The following RAB3IP variants were observed in gnomAD, a reference collection of about 807,000 sequenced individuals.
RAB3IP encodes rab-3A-interacting protein.
RAB3IP carries 36 observed loss-of-function variants against 59.1 expected under a neutral mutation model. That is an observed-to-expected ratio of 0.61 (90% CI 0.47 to 0.80). The LOEUF is 0.80. Ranked by LOEUF, RAB3IP falls within the 30% of genes least tolerant of loss-of-function variation. The pLI, the probability that RAB3IP is intolerant of heterozygous loss-of-function variation, is 0.00. For missense variants in RAB3IP, 511 were observed against 536.0 expected (o/e 0.95, Z 0.46); for synonymous variants, 207 against 191.2 (o/e 1.08, Z -0.68).
intron 6 of RAB3IP, 27 bp from the exon 7 acceptor site, chr12:69,800,181 GT>G: frequency 6.7e-7 from 1 of 1,485,420 alleles, no homozygotes; most frequent in South Asian, 1.4e-5. Flanking sequence ...TTTAAAACAT[GT>G]TTTTGTGTTT....
chr12:69,815,076 A>G (rs1314514032), intron 10 of RAB3IP, among the ~76,000 whole-genome samples: 1 of 152,212 alleles, frequency 6.6e-6, no homozygotes, highest in Non-Finnish European at 1.5e-5. Context: ...TGAAGGTAAC[A>G]GCATTGACAT....
At chr12:69,788,840 C>CAGAAT (rs1319384978) in intron 4 of RAB3IP, among the ~76,000 whole-genome samples, 1 of 151,990 alleles carries the variant, frequency 6.6e-6, no homozygotes, top group Non-Finnish European at 1.5e-5. Flanking sequence ...AGATCAAAAT[C>CAGAAT]ATTCTAAGAA....
chr12:69,806,565 C>G (rs1056639633), intron 8 of RAB3IP, among the ~76,000 whole-genome samples: 4 of 97,276 alleles, frequency 4.1e-5, no homozygotes, highest in Non-Finnish European at 8.4e-5. Flanking sequence ...GCTCTTGCTT[C>G]TCTAGTTTTT....
chr12:69,802,929 G>T (rs1032417417), intron 8 of RAB3IP, among the ~76,000 whole-genome samples: 2 of 152,068 alleles, frequency 1.3e-5, no homozygotes, highest in African/African-American at 2.4e-5. Flanking sequence ...TTTAGGGAAA[G>T]AATTTACATT....
intron 4 of RAB3IP, among the ~76,000 whole-genome samples, chr12:69,792,529 G>T (rs1246871407): frequency 6.6e-6 from 1 of 152,242 alleles, no homozygotes; most frequent in Middle Eastern, 3.4e-3. Flanking sequence ...CCTGGTATAG[G>T]TGATACTTAC....
chr12:69,756,260 T>C, intron 2 of RAB3IP, 145 bp from the exon 3 acceptor site: 1 of 742,358 alleles, frequency 1.3e-6, no homozygotes, highest in Admixed American at 2.8e-5. Context: ...GCACTTGAAA[T>C]GTGGCTGATA....
At chr12:69,771,836 C>T (rs1164789918) in intron 3 of RAB3IP, among the ~76,000 whole-genome samples, 1 of 152,134 alleles carries the variant, frequency 6.6e-6, no homozygotes, top group Non-Finnish European at 1.5e-5. Flanking sequence ...GATAGCCATT[C>T]TAAGTGGGTT....
At chr12:69,806,538 A>G (rs1320172224) in intron 8 of RAB3IP, among the ~76,000 whole-genome samples, 1 of 134,640 alleles carries the variant, frequency 7.4e-6, no homozygotes, top group East Asian at 2.2e-4. Context: ...GCCTTCTGCT[A>G]GCTTTTGAAT....
chr12:69,805,811 T>A (rs1429927375), intron 8 of RAB3IP, among the ~76,000 whole-genome samples: 1 of 151,396 alleles, frequency 6.6e-6, no homozygotes, highest in Non-Finnish European at 1.5e-5. Flanking sequence ...ATTGATTTTC[T>A]TATGTTGAAC....
Position 69,815,970 on chromosome 12 carries a change from A to C in RAB3IP, c.*524A>C, listed in dbSNP as rs1326180357. 1 of 152,644 alleles carries C rather than the reference A, an allele frequency of 6.6e-6. No homozygotes were observed. The highest frequency in any genetic ancestry group is 1.5e-5 in the Non-Finnish European group (1 of 68,038). 9.5% of individuals were successfully genotyped at this position (152,644 alleles called of 1,614,324 possible). ...TACTTCTGCTGCTACAAAGTTTGAA[A>C]GTTACTATTTTAATTATTCTGCTCT... is the stretch of plus-strand genomic sequence containing the variant. On this transcript the variant is annotated 3_prime_UTR_variant, in exon 11 of 11. Coordinates refer to ENST00000247833, the MANE Select transcript of RAB3IP (RefSeq NM_022456.5).
intron 7 of RAB3IP, 126 bp downstream of exon 7, chr12:69,800,463 A>G (rs1878203243): frequency 5.0e-6 from 3 of 606,028 alleles, no homozygotes; most frequent in Middle Eastern, 4.9e-4. Context: ...ATGTTTTGCT[A>G]TTTTTGCCAT....
intron 1 of RAB3IP, among the ~76,000 whole-genome samples, chr12:69,754,342 GGCACACACACAC>G (rs1434881840): frequency 6.7e-6 from 1 of 149,968 alleles, no homozygotes; most frequent in Non-Finnish European, 1.5e-5. Context: ...CAGATACACG[GGCACACACACAC>G]ACACACACAC....
intron 3 of RAB3IP, among the ~76,000 whole-genome samples, chr12:69,783,966 T>C (rs374414347): frequency 1.3e-5 from 2 of 152,226 alleles, no homozygotes; most frequent in Non-Finnish European, 2.9e-5. Flanking sequence ...ACCACAATTA[T>C]AACACCACTA....
At chr12:69,757,588 G>A (rs1005303027) in intron 3 of RAB3IP, among the ~76,000 whole-genome samples, 13 of 152,158 alleles carry the variant, frequency 8.5e-5, no homozygotes, top group African/African-American at 3.1e-4. Flanking sequence ...CAATTCACAT[G>A]TAGAAAATTG....
chr12:69,813,175 T>C, intron 10 of RAB3IP, 142 bp downstream of exon 10: 1 of 589,166 alleles, frequency 1.7e-6, no homozygotes, highest in Non-Finnish European at 2.9e-6. Context: ...CCTTCTATAG[T>C]TCTAATAAAA....
chr12:69,762,574 G>A (rs1227550076), intron 3 of RAB3IP, among the ~76,000 whole-genome samples: 4 of 152,070 alleles, frequency 2.6e-5, no homozygotes, highest in East Asian at 1.9e-4. Context: ...TGGCTAACAC[G>A]GTGAAACCGC....
At position 69,812,692 on chromosome 12, in the gene RAB3IP, C is replaced by CT. The variant is rs1181816701; in HGVS notation, c.1131-85dup. On this transcript the variant is annotated intron_variant, in intron 8 of 10. Coordinates refer to ENST00000247833, the MANE Select transcript of RAB3IP (RefSeq NM_022456.5). ...CAGTAGGTTCTCAAATATTTGTTATCTAACTGAATGAATAGGCAACTTGTA... is the reference window on the plus strand; with the variant it reads ...CAGTAGGTTCTCAAATATTTGTTATCTTAACTGAATGAATAGGCAACTTGTA... The CT allele has an allele frequency of 7.0e-5, 59 of 837,226 alleles. No individual in the cohort carries two copies. The Admixed American group carries it at 1.4e-3, about 20-fold the overall frequency. The allele number at this position is 837,226 out of a possible 1,614,324, so 51.9% of individuals were successfully genotyped here. A position where few individuals can be genotyped will look rare whatever the true frequency, so the allele number is the denominator to read the frequency against.
At chr12:69,744,691 C>CA (rs11302589) in intron 1 of RAB3IP, among the ~76,000 whole-genome samples, 2 of 130,022 alleles carry the variant, frequency 1.5e-5, no homozygotes, top group Non-Finnish European at 3.3e-5. Flanking sequence ...GACTGCATCT[C>CA]AAAAAAAAAA....
intron 1 of RAB3IP, chr12:69,739,752 A>C: frequency 7.3e-7 from 1 of 1,374,982 alleles, no homozygotes; most frequent in Non-Finnish European, 1.0e-6. Flanking sequence ...CAGCGTTGAC[A>C]ACTCGCCCCG....
Sources: gnomAD v4.1 joint callset for allele counts (sites outside exome capture counted in the v4.1 genomes callset) on GRCh38, gnomAD v4.1.1 for gene constraint, MANE v1.5 for transcripts, NCBI Gene and HGNC (gene_info 2026-07-23, HGNC 2026-07-21) for gene names.